PRKDC: variants seen among roughly 807,000 people sequenced by gnomAD.
PRKDC encodes protein kinase, DNA-activated, catalytic subunit, also known as DNA-dependent protein kinase catalytic subunit.
PRKDC carries 82 observed loss-of-function variants against 486.9 expected under a neutral mutation model. The ratio of observed to expected loss-of-function variants is 0.17; its 90% confidence interval spans 0.14 to 0.20. PRKDC has a LOEUF of 0.20. Among genes scored for constraint, PRKDC ranks in the 10% least tolerant of loss-of-function variants. PRKDC has a pLI of 1.00. For missense variants in PRKDC, 4,504 were observed against 5,038.2 expected (o/e 0.89, Z 3.21); for synonymous variants, 1,895 against 1,837.0 (o/e 1.03, Z -0.81).
intron 25 of PRKDC, among the ~76,000 whole-genome samples, chr8:47,909,018 C>T (rs1225634137): frequency 6.6e-6 from 1 of 152,118 alleles, no homozygotes; most frequent in Non-Finnish European, 1.5e-5. Context: ...CCAAGAACTC[C>T]GCTGAGTCAG....
intron 11 of PRKDC, among the ~76,000 whole-genome samples, 155 bp downstream of exon 11, chr8:47,939,396 T>C (rs1204784867): frequency 6.6e-6 from 1 of 152,240 alleles, no homozygotes; most frequent in Non-Finnish European, 1.5e-5. Flanking sequence ...GAAAAACATC[T>C]GCATGTAAGT....
intron 36 of PRKDC, among the ~76,000 whole-genome samples, chr8:47,885,363 G>A (rs2089303559): frequency 6.6e-6 from 1 of 151,492 alleles, no homozygotes; most frequent in Non-Finnish European, 1.5e-5. Context: ...ATGTTCGCCA[G>A]GCTGGGCTTG....
At chr8:47,925,346 C>A (rs1364032897) in intron 21 of PRKDC, among the ~76,000 whole-genome samples, 1 of 152,170 alleles carries the variant, frequency 6.6e-6, no homozygotes, top group African/African-American at 2.4e-5. Context: ...AAGGCACAGC[C>A]CAAAACTCAT....
At chr8:47,794,604 C>T (rs952103875) in intron 73 of PRKDC, 103 bp from the exon 74 acceptor site, 26 of 1,056,768 alleles carry the variant, frequency 2.5e-5, no homozygotes, top group Admixed American at 2.3e-4. Context: ...AGTATAAAAA[C>T]GCAAGTACAA....
intron 25 of PRKDC, among the ~76,000 whole-genome samples, chr8:47,905,259 C>T (rs899282239): frequency 1.3e-5 from 2 of 151,998 alleles, no homozygotes; most frequent in Non-Finnish European, 2.9e-5. Flanking sequence ...GAACTCCTGG[C>T]CTCAAGTGAT....
At chr8:47,932,548 G>A (rs180697070) in intron 16 of PRKDC, among the ~76,000 whole-genome samples, 41 of 152,226 alleles carry the variant, frequency 2.7e-4, no homozygotes, top group Admixed American at 1.8e-3. Context: ...CTCAGGCTAG[G>A]AAAATTGGGT....
intron 64 of PRKDC, among the ~76,000 whole-genome samples, chr8:47,823,042 C>T (rs114783952): frequency 0.012 from 1,796 of 152,028 alleles, 46 homozygotes; most frequent in African/African-American, 0.04. Context: ...GGGGGCAGAT[C>T]CCTCATGAAT....
chr8:47,817,984 A>G (rs1241866994), intron 67 of PRKDC, among the ~76,000 whole-genome samples: 1 of 152,230 alleles, frequency 6.6e-6, no homozygotes, highest in African/African-American at 2.4e-5. Flanking sequence ...CTGTAGAGTT[A>G]CAGAATACTG....
chr8:47,826,675 T>C lies in PRKDC; in HGVS notation c.8764A>G (p.Arg2922Gly). Residue 2922 changes from arginine (R) to glycine (G), a missense_variant, in exon 63 of 86, where the codon AGA becomes GGA. By Grantham distance (125) the Arg-to-Gly change is moderately radical (BLOSUM62 -2). This residue lies in a region of PRKDC where 1,592 missense variants were observed against 1,724.6 expected (regional missense o/e 0.92). Transcript: ENST00000314191. ...ACTTACTTAGCAAGCTCCACCCATC[T>C]GAGGACATCAGGAGGGAGGCGGGCC... ...GKARLPPDVL[R>G]WVELAKLYRS... 6.2e-7 allele frequency: 1 copy of C among 1,612,426 alleles called. No individual in the cohort carries two copies. Among genetic ancestry groups the C allele is most frequent in the Non-Finnish European group, 8.5e-7 (1 of 1,179,520 alleles).
chr8:47,813,560 T>C (rs1395121102), intron 68 of PRKDC, among the ~76,000 whole-genome samples: 1 of 152,054 alleles, frequency 6.6e-6, no homozygotes, highest in Non-Finnish European at 1.5e-5. Context: ...TATGAAATAA[T>C]GAGGATCTTA....
chr8:47,878,795 CCACTGCACTT>C (rs1721621343), intron 39 of PRKDC, among the ~76,000 whole-genome samples: 1 of 152,212 alleles, frequency 6.6e-6, no homozygotes, highest in African/African-American at 2.4e-5. Context: ...TGTGCAGTTT[CCACTGCACTT>C]CAGCCTAGAC....
chr8:47,811,725 C>G (rs1589713202), intron 68 of PRKDC, among the ~76,000 whole-genome samples: 1 of 152,042 alleles, frequency 6.6e-6, no homozygotes, highest in Non-Finnish European at 1.5e-5. Flanking sequence ...GCCTGTAATC[C>G]CAGCACTTTG....
intron 39 of PRKDC, 54 bp from the exon 40 acceptor site, chr8:47,877,905 C>A: frequency 7.6e-7 from 1 of 1,316,574 alleles, no homozygotes; most frequent in Non-Finnish European, 1.0e-6. Flanking sequence ...ACTTTTGCTT[C>A]AATAGTTAAA....
intron 64 of PRKDC, among the ~76,000 whole-genome samples, chr8:47,822,241 T>C (rs945947341): frequency 1.3e-5 from 2 of 149,254 alleles, no homozygotes; most frequent in Non-Finnish European, 3.0e-5. Context: ...TGCAGTAAGC[T>C]GAGATTGTGT....
In PRKDC at chr8:47,863,545, G is replaced by A. The variant is rs1176193934; in HGVS notation, c.5604C>T (p.Thr1868=). 5 of 1,612,014 alleles carry A rather than the reference G, an allele frequency of 3.1e-6. No homozygotes were observed. Among genetic ancestry groups the A allele is most frequent in the Non-Finnish European group, 3.4e-6 (4 of 1,178,990 alleles). ...LNESTFDTQI[T]KKMGYYKILD... Reference sequence around the variant, plus strand: ...GAATCTTATAGTAGCCCATCTTCTTGGTGATTTGAGTATCAAAGGTAGATT... The same window carrying A: ...GAATCTTATAGTAGCCCATCTTCTTAGTGATTTGAGTATCAAAGGTAGATT... The change falls in exon 42 of 86, where the codon ACC becomes ACT. Residue 1868 remains threonine (T), a synonymous_variant. Transcript: ENST00000314191.
chr8:47,809,298 C>G (rs2087280544), intron 68 of PRKDC, among the ~76,000 whole-genome samples: 1 of 152,162 alleles, frequency 6.6e-6, no homozygotes, highest in African/African-American at 2.4e-5. Flanking sequence ...CATCCCCACA[C>G]CAACCACAGT....
intron 36 of PRKDC, among the ~76,000 whole-genome samples, chr8:47,883,137 T>C (rs1468137319): frequency 2.0e-5 from 3 of 152,218 alleles, no homozygotes; most frequent in Non-Finnish European, 2.9e-5. Context: ...GGATCTGGCA[T>C]GTCTAAAACA....
intron 25 of PRKDC, among the ~76,000 whole-genome samples, chr8:47,907,070 G>A (rs1174186385): frequency 6.6e-6 from 1 of 150,416 alleles, no homozygotes; most frequent in Admixed American, 6.9e-5. Flanking sequence ...ACGGAGTCTC[G>A]CTCTGTCGCC....
At chr8:47,859,819 T>A (rs2088633894) in intron 45 of PRKDC, 60 bp from the exon 46 acceptor site, 2 of 1,442,686 alleles carry the variant, frequency 1.4e-6, no homozygotes, top group African/African-American at 1.4e-5. Flanking sequence ...AGAAATGTAT[T>A]TCTCTAAATT....
Sources: allele counts gnomAD v4.1 joint callset (sites outside exome capture counted in the v4.1 genomes callset), GRCh38; gene constraint gnomAD v4.1.1; regional missense constraint gnomAD v4.1.1; transcripts MANE v1.5; gene names NCBI Gene and HGNC (gene_info 2026-07-23, HGNC 2026-07-21).